The following ST6GALNAC3 variants were observed in gnomAD, a reference collection of about 807,000 sequenced individuals.
ST6GALNAC3 encodes the protein alpha-N-acetylgalactosaminide alpha-2,6-sialyltransferase 3.
A neutral mutation model predicts 32.7 loss-of-function variants in ST6GALNAC3; 25 were observed. The ratio of observed to expected loss-of-function variants is 0.76; its 90% CI spans 0.56 to 1.07. The LOEUF is 1.07. Among genes scored for constraint, ST6GALNAC3 ranks in the 50% least tolerant of loss-of-function variants. The pLI, the probability that ST6GALNAC3 is intolerant of heterozygous loss-of-function variation, is 0.00. For missense variants in ST6GALNAC3, 355 were observed against 382.4 expected (o/e 0.93, Z 0.60); for synonymous variants, 129 against 133.1 (o/e 0.97, Z 0.21).
intron 2 of ST6GALNAC3, among the ~76,000 whole-genome samples, chr1:76,398,943 T>C (rs1000469188): frequency 3.9e-5 from 6 of 152,132 alleles, no homozygotes; most frequent in African/African-American, 1.4e-4. Flanking sequence ...TGCAGTAACA[T>C]CTCGTTTTTA....
chr1:76,434,822 A>C (rs563301815), intron 3 of ST6GALNAC3, among the ~76,000 whole-genome samples: 2 of 102,488 alleles, frequency 2.0e-5, no homozygotes, highest in African/African-American at 3.9e-5. Context: ...ACAGGGTTTC[A>C]CTCTGTCACC....
In ST6GALNAC3 at chr1:76,633,841, G is replaced by C. The variant is rs1259677734; in HGVS notation, c.*5035G>C. 6.6e-6 allele frequency: 1 copy of C among 152,156 alleles called. No individual in the cohort carries two copies. Among genetic ancestry groups the C allele is most frequent in the Non-Finnish European group, 1.5e-5 (1 of 68,020 alleles). The allele number at this position is 152,156 out of a possible 1,614,324, so 9.4% of individuals were successfully genotyped here. A position where few individuals can be genotyped will look rare whatever the true frequency, so the allele number is the denominator to read the frequency against. ...ACAGTCCATTTATATGATACTGTTA[G>C]AAGTGAAGAATTTTGAAACTACATA... is the stretch of plus-strand genomic sequence containing the variant. On this transcript the variant is annotated 3_prime_UTR_variant, in exon 5 of 5. Coordinates refer to ENST00000328299, the MANE Select transcript of ST6GALNAC3 (RefSeq NM_152996.4).
intron 1 of ST6GALNAC3, among the ~76,000 whole-genome samples, chr1:76,245,269 A>T (rs1217462434): frequency 6.6e-6 from 1 of 152,142 alleles, no homozygotes; most frequent in Non-Finnish European, 1.5e-5. Flanking sequence ...CTGTGGGATC[A>T]GTGGGATATC....
chr1:76,605,036 T>C (rs1647431028), intron 3 of ST6GALNAC3, among the ~76,000 whole-genome samples: 1 of 152,202 alleles, frequency 6.6e-6, no homozygotes, highest in African/African-American at 2.4e-5. Flanking sequence ...AATCATGTTA[T>C]TTCTTGTTAA....
chr1:76,406,100 A>T (rs1020697863), intron 2 of ST6GALNAC3, among the ~76,000 whole-genome samples: 8 of 152,052 alleles, frequency 5.3e-5, no homozygotes, highest in Non-Finnish European at 1.0e-4. Flanking sequence ...CAGGCATGGT[A>T]TAAAAAGACC....
At chr1:76,126,227 G>A (rs116688047) in intron 1 of ST6GALNAC3, among the ~76,000 whole-genome samples, 113 of 152,084 alleles carry the variant, frequency 7.4e-4, no homozygotes, top group African/African-American at 2.5e-3. Context: ...CTCCCTGCCC[G>A]TCCATCTTTT....
chr1:76,172,129 A>G (rs933416458), intron 1 of ST6GALNAC3, among the ~76,000 whole-genome samples: 5 of 152,158 alleles, frequency 3.3e-5, no homozygotes, highest in African/African-American at 1.2e-4. Flanking sequence ...TAAAAAAAAA[A>G]CTTATCCACC....
At chr1:76,233,671 G>A (rs1656491102) in intron 1 of ST6GALNAC3, among the ~76,000 whole-genome samples, 2 of 152,140 alleles carry the variant, frequency 1.3e-5, no homozygotes, top group South Asian at 4.1e-4. Context: ...TTCATCTACA[G>A]TATATCATTT....
Position 76,480,221 on chromosome 1 carries a change from A to G in ST6GALNAC3, c.623+67804A>G, listed in dbSNP as rs1659633265. Among the ~76,000 whole-genome samples, 4 of 152,242 alleles carry G rather than the reference A, an allele frequency of 2.6e-5. 1 individual carries two copies. In the South Asian group the frequency reaches 8.3e-4, roughly 31 times the overall value. ...CTACTGAACTGAAATAGATTTGCAT[A>G]AGAGTTATCACTATCAATAATCATT... On this transcript the variant is annotated intron_variant, in intron 3 of 4. Transcript: ENST00000328299.
At chr1:76,100,234 C>CT (rs963401067) in intron 1 of ST6GALNAC3, among the ~76,000 whole-genome samples, 1 of 151,920 alleles carries the variant, frequency 6.6e-6, no homozygotes, top group African/African-American at 2.4e-5. Flanking sequence ...TCTTTTATAT[C>CT]TTTTTTTACC....
intron 3 of ST6GALNAC3, among the ~76,000 whole-genome samples, chr1:76,622,902 A>T (rs913490322): frequency 6.6e-6 from 1 of 151,944 alleles, no homozygotes; most frequent in African/African-American, 2.4e-5. Context: ...CTCAGTTAGA[A>T]GGCTCCAGCT....
chr1:76,291,195 G>A (rs1456526240), intron 1 of ST6GALNAC3, among the ~76,000 whole-genome samples: 2 of 152,220 alleles, frequency 1.3e-5, no homozygotes, highest in African/African-American at 2.4e-5. Context: ...GCTTCTTTTT[G>A]ATGAGCCTTC....
intron 3 of ST6GALNAC3, among the ~76,000 whole-genome samples, chr1:76,549,638 T>C (rs1373413244): frequency 6.6e-6 from 1 of 152,186 alleles, no homozygotes; most frequent in Non-Finnish European, 1.5e-5. Context: ...TAATGCCACA[T>C]ACAATTAACA....
intron 2 of ST6GALNAC3, among the ~76,000 whole-genome samples, chr1:76,363,742 G>A (rs1371158226): frequency 1.3e-5 from 2 of 152,136 alleles, no homozygotes; most frequent in South Asian, 2.1e-4. Flanking sequence ...TGCTTCTGGG[G>A]AGGCCTCAGG....
At chr1:76,115,752 A>G (rs1010617753) in intron 1 of ST6GALNAC3, among the ~76,000 whole-genome samples, 2 of 152,104 alleles carry the variant, frequency 1.3e-5, no homozygotes, top group Admixed American at 6.6e-5. Context: ...TCACCTGCCA[A>G]TTGGTTCCTG....
chr1:76,109,229 A>T (rs1359370065), intron 1 of ST6GALNAC3, among the ~76,000 whole-genome samples: 1 of 152,150 alleles, frequency 6.6e-6, no homozygotes, highest in East Asian at 1.9e-4. Context: ...AAAAGAGTAG[A>T]TAAAATTTTT....
At chr1:76,457,375 A>C (rs112136721) in intron 3 of ST6GALNAC3, among the ~76,000 whole-genome samples, 1,934 of 152,264 alleles carry the variant, frequency 0.013, 40 homozygotes, top group African/African-American at 0.042. Flanking sequence ...TATGGAACCA[A>C]AAAGGAGCCC....
At chr1:76,178,302 C>T (rs1652970409) in intron 1 of ST6GALNAC3, among the ~76,000 whole-genome samples, 1 of 152,170 alleles carries the variant, frequency 6.6e-6, no homozygotes, top group Non-Finnish European at 1.5e-5. Context: ...ATAGGCTTCA[C>T]TAGACCCAAG....
At chr1:76,139,142 C>T (rs1398549909) in intron 1 of ST6GALNAC3, among the ~76,000 whole-genome samples, 2 of 151,486 alleles carry the variant, frequency 1.3e-5, no homozygotes, top group Non-Finnish European at 2.9e-5. Context: ...TGCTGTGAGC[C>T]GAGATCGCGC....
Sources: allele counts gnomAD v4.1 joint callset (sites outside exome capture counted in the v4.1 genomes callset), GRCh38; gene constraint gnomAD v4.1.1; transcripts MANE v1.5; gene names NCBI Gene and HGNC (gene_info 2026-07-23, HGNC 2026-07-21).